Variants in RORA observed in about 807,000 individuals in gnomAD.
RORA encodes RAR related orphan receptor A.
RORA carries 7 observed loss-of-function variants against 69.5 expected under a neutral mutation model. That is an observed-to-expected ratio of 0.10 (90% CI 0.06 to 0.19). The LOEUF (loss-of-function observed/expected upper bound fraction) is 0.19. Among genes scored for constraint, RORA ranks in the 10% least tolerant of loss-of-function variants. The pLI, the probability that RORA is intolerant of heterozygous loss-of-function variation, is 1.00. For synonymous variants in RORA, 261 were observed against 240.8 expected, an observed-to-expected ratio of 1.08 and a Z score of -0.78; for missense variants, 457 against 663.0, an observed-to-expected ratio of 0.69 and a Z score of 3.41.
intron 2 of RORA, among the ~76,000 whole-genome samples, chr15:60,542,483 C>T (rs1485721559): frequency 1.3e-5 from 2 of 149,906 alleles, no homozygotes; most frequent in Non-Finnish European, 1.5e-5. Flanking sequence ...CACACAGGCG[C>T]ACCTCACACG....
At chr15:60,612,876 G>A (rs763928715) in intron 2 of RORA, among the ~76,000 whole-genome samples, 8 of 151,814 alleles carry the variant, frequency 5.3e-5, no homozygotes, top group East Asian at 1.9e-4. Flanking sequence ...TTTTATTTTC[G>A]TTCAGGGTGA....
At chr15:60,679,327 G>A (rs544567109) in intron 1 of RORA, among the ~76,000 whole-genome samples, 4 of 152,110 alleles carry the variant, frequency 2.6e-5, no homozygotes, top group Admixed American at 6.5e-5. Flanking sequence ...ACGAAAACAC[G>A]AGCGATTCAT....
intron 2 of RORA, among the ~76,000 whole-genome samples, chr15:60,557,239 T>C (rs761511443): frequency 2.0e-5 from 3 of 152,222 alleles, no homozygotes; most frequent in Non-Finnish European, 4.4e-5. Context: ...TATCCCTCTA[T>C]AGTCATACCT....
chr15:61,090,763 G>C (rs988923784), intron 1 of RORA, among the ~76,000 whole-genome samples: 2 of 152,092 alleles, frequency 1.3e-5, no homozygotes, highest in African/African-American at 2.4e-5. Flanking sequence ...GGTGAAACAG[G>C]AATCAGTGGT....
chr15:60,648,582 A>G (rs533816541), intron 2 of RORA, among the ~76,000 whole-genome samples: 1 of 152,368 alleles, frequency 6.6e-6, no homozygotes, highest in East Asian at 1.9e-4. Context: ...ATGAGAGCAA[A>G]TGTAGCATGT....
intron 1 of RORA, among the ~76,000 whole-genome samples, chr15:61,025,437 G>C (rs993931802): frequency 1.3e-5 from 2 of 152,186 alleles, no homozygotes; most frequent in African/African-American, 4.8e-5. Context: ...CAAAGCAGCA[G>C]GGCAAACCCT....
At chr15:60,502,898 T>C (rs199610609) in intron 7 of RORA, 31 bp from the exon 8 acceptor site, 6 of 1,398,786 alleles carry the variant, frequency 4.3e-6, no homozygotes, top group African/African-American at 2.8e-5. Flanking sequence ...TTTGGGTCAT[T>C]TGGGTCATCT....
At chr15:61,083,452 T>TA (rs2140669370) in intron 1 of RORA, among the ~76,000 whole-genome samples, 1 of 152,210 alleles carries the variant, frequency 6.6e-6, no homozygotes, top group Admixed American at 6.5e-5. Flanking sequence ...TGGAATGGGG[T>TA]AATTAATTCC....
intron 1 of RORA, among the ~76,000 whole-genome samples, chr15:60,867,979 T>C (rs568804335): frequency 6.6e-6 from 1 of 152,332 alleles, no homozygotes; most frequent in Non-Finnish European, 1.5e-5. Context: ...CTGATCCTGC[T>C]TCTCTAATCT....
intron 1 of RORA, among the ~76,000 whole-genome samples, chr15:60,932,220 G>T (rs1359969685): frequency 6.6e-6 from 1 of 152,114 alleles, no homozygotes; most frequent in African/African-American, 2.4e-5. Flanking sequence ...AGAAGGTGGG[G>T]TTGCTTGAGA....
intron 2 of RORA, among the ~76,000 whole-genome samples, chr15:60,597,550 A>AC (rs2068700533): frequency 5.2e-5 from 1 of 19,318 alleles, no homozygotes; most frequent in Non-Finnish European, 9.0e-5. Context: ...CACACACACA[A>AC]CATATATATA....
chr15:60,672,047 A>G (rs1168139131), intron 2 of RORA, among the ~76,000 whole-genome samples: 1 of 152,176 alleles, frequency 6.6e-6, no homozygotes, highest in Non-Finnish European at 1.5e-5. Context: ...CGCGCATGCC[A>G]CTACACTCCC....
intron 1 of RORA, among the ~76,000 whole-genome samples, chr15:61,109,140 G>A (rs1326207318): frequency 6.6e-6 from 1 of 152,146 alleles, no homozygotes; most frequent in Non-Finnish European, 1.5e-5. Flanking sequence ...AGGTTGCAGT[G>A]AGCCTAGATC....
At chr15:61,167,828 C>T (rs931980908) in intron 1 of RORA, among the ~76,000 whole-genome samples, 1 of 152,154 alleles carries the variant, frequency 6.6e-6, no homozygotes, top group East Asian at 1.9e-4. Context: ...GTGGTCCCAC[C>T]CCACCCACCA....
chr15:60,731,235 C>T (rs1356787190), intron 1 of RORA, among the ~76,000 whole-genome samples: 1 of 152,132 alleles, frequency 6.6e-6, no homozygotes, highest in African/African-American at 2.4e-5. Context: ...AATGATGCCC[C>T]AAACCCCCAA....
intron 1 of RORA, among the ~76,000 whole-genome samples, chr15:60,724,142 A>G (rs944918881): frequency 1.3e-5 from 2 of 152,192 alleles, no homozygotes; most frequent in Admixed American, 1.3e-4. Context: ...ATGTGGTATT[A>G]TAAGCCACCT....
At chr15:60,523,535 C>T (rs2066247917) in intron 3 of RORA, among the ~76,000 whole-genome samples, 1 of 152,180 alleles carries the variant, frequency 6.6e-6, no homozygotes, top group Non-Finnish European at 1.5e-5. Context: ...CACAGCTTAC[C>T]AGCATGTGGC....
chr15:61,105,188 C>G (rs867975907), intron 1 of RORA, among the ~76,000 whole-genome samples: 1 of 152,132 alleles, frequency 6.6e-6, no homozygotes, highest in Middle Eastern at 3.2e-3. Flanking sequence ...AAAATTTATA[C>G]TCTCACAGAC....
Position 60,678,656 on chromosome 15 carries a change from C to T in RORA, c.196+1G>A. 6.2e-7 allele frequency: 1 copy of T among 1,610,572 alleles called. No homozygotes were observed. The highest frequency in any genetic ancestry group is 8.5e-7 in the Non-Finnish European group (1 of 1,176,852). The stretch of plus-strand genomic sequence containing the variant: ...GGACAGAAAAAAAATGCATTACTTA[C>T]ATGTATGTGTCTTCTTCGTTACTGA... On this transcript the variant is annotated splice_donor_variant, in intron 2 of 10. Transcript: ENST00000335670. LOFTEE classifies it high-confidence loss of function.
Sources: gnomAD v4.1 joint callset for allele counts (sites outside exome capture counted in the v4.1 genomes callset) on GRCh38, gnomAD v4.1.1 for gene constraint, MANE v1.5 for transcripts, NCBI Gene and HGNC (gene_info 2026-07-23, HGNC 2026-07-21) for gene names.